Variants in RAP2B observed in about 807,000 individuals in gnomAD.
RAP2B encodes the protein ras-related protein Rap-2b.
Under a neutral mutation model 14.4 loss-of-function variants are expected in RAP2B, and 6 were observed. That is an observed-to-expected ratio of 0.42 (90% CI 0.23 to 0.82). The LOEUF is 0.82. RAP2B is among the 40% of genes least tolerant of loss of function. The probability of loss-of-function intolerance (pLI) is 0.30; values close to 1 mark genes in which losing one functional copy is unlikely to be tolerated. For synonymous variants in RAP2B, 118 were observed against 113.2 expected, an observed-to-expected ratio of 1.04 and a Z score of -0.27; for missense variants, 137 against 248.2, an observed-to-expected ratio of 0.55 and a Z score of 3.01.
In RAP2B at chr3:153,166,136, T is replaced by C. The variant is rs775576410; in HGVS notation, c.*2891T>C. The C allele has an allele frequency of 5.4e-5, 9 of 167,064 alleles. No individual in the cohort carries two copies. The highest frequency in any genetic ancestry group is 1.2e-4 in the Non-Finnish European group (8 of 68,102). 10.3% of individuals were successfully genotyped at this position (167,064 alleles called of 1,614,324 possible). ...TAGTCTAGGATGGCAGAGCAGAAGATTTTAATATGCTTTTATTAAGTGATG... is the reference window on the plus strand; with the variant it reads ...TAGTCTAGGATGGCAGAGCAGAAGACTTTAATATGCTTTTATTAAGTGATG... On this transcript the variant is annotated 3_prime_UTR_variant, in exon 1 of 1. Coordinates refer to ENST00000323534, the MANE Select transcript of RAP2B (RefSeq NM_002886.4).
In RAP2B at chr3:153,163,643, T is replaced by G. The variant is rs1713481577; in HGVS notation, c.*398T>G. On this transcript the variant is annotated 3_prime_UTR_variant, in exon 1 of 1. Coordinates refer to ENST00000323534, the MANE Select transcript of RAP2B (RefSeq NM_002886.4). ...GAGAGAAGGTGGAAATGGTTTTTTT[T>G]TTTTTTTTTCTATTTTCTTTCTTTT... The G allele has an allele frequency of 5.9e-6, 1 of 169,118 alleles. No homozygotes were observed. The highest frequency in any genetic ancestry group is 2.4e-5 in the African/African-American group (1 of 41,084). The allele number at this position is 169,118 out of a possible 1,614,324, so 10.5% of individuals were successfully genotyped here. A position where few individuals can be genotyped will look rare whatever the true frequency, so the allele number is the denominator to read the frequency against.
At position 153,165,116 on chromosome 3, in the gene RAP2B, C is replaced by T. The variant is rs568415986; in HGVS notation, c.*1871C>T. The T allele has an allele frequency of 4.2e-5, 7 of 166,984 alleles. No homozygotes were observed. Among genetic ancestry groups the T allele is most frequent in the Admixed American group, 1.3e-4 (2 of 15,296 alleles). 10.3% of individuals were successfully genotyped at this position (166,984 alleles called of 1,614,324 possible). A position where few individuals can be genotyped will look rare whatever the true frequency, so the allele number is the denominator to read the frequency against. ...CTTTTAAGTTTTTCTTCCTTTTTTC[C>T]CTCTGTTTATATTGCACATCAAGTC... On this transcript the variant is annotated 3_prime_UTR_variant, in exon 1 of 1. Coordinates refer to ENST00000323534, the MANE Select transcript of RAP2B (RefSeq NM_002886.4).
chr3:153,168,699 C>G lies in RAP2B; in HGVS notation c.*5454C>G. The G allele has an allele frequency of 6.6e-6, 1 of 152,166 alleles. No homozygotes were observed. Among genetic ancestry groups the G allele is most frequent in the East Asian group, 1.9e-4 (1 of 5,196 alleles). The allele number at this position is 152,166 out of a possible 1,614,324, so 9.4% of individuals were successfully genotyped here. On this transcript the variant is annotated 3_prime_UTR_variant, in exon 1 of 1. Coordinates refer to ENST00000323534, the MANE Select transcript of RAP2B (RefSeq NM_002886.4). ...AAGATTGTCTTTGGAGCTATGTCTT[C>G]CATTCCAACTATACAGAAATAAACT... is the stretch of plus-strand genomic sequence containing the variant.
rs1375524883 is a variant in RAP2B at position 153,163,581 on chromosome 3, G to GA, written c.*344dup. 13 of 197,838 alleles carry GA rather than the reference G, an allele frequency of 6.6e-5. No homozygotes were observed. The highest frequency in any genetic ancestry group is 1.2e-4 in the Admixed American group (2 of 16,206). The allele number at this position is 197,838 out of a possible 1,614,324, so 12.3% of individuals were successfully genotyped here. A position where few individuals can be genotyped will look rare whatever the true frequency, so the allele number is the denominator to read the frequency against. On this transcript the variant is annotated 3_prime_UTR_variant, in exon 1 of 1. Coordinates refer to ENST00000323534, the MANE Select transcript of RAP2B (RefSeq NM_002886.4). ...CCCACCAAGCAAAAGTTTCAGCCTG[G>GA]AAAAAAAATGGGGGGGAAGGGTGGA...
At position 153,162,240 on chromosome 3, in the gene RAP2B, G is replaced by T. The variant is rs1713418390; in HGVS notation, c.-454G>T. On this transcript the variant is annotated 5_prime_UTR_variant, in exon 1 of 1. Coordinates refer to ENST00000323534, the MANE Select transcript of RAP2B (RefSeq NM_002886.4). The surrounding 1 kb of genome is among the most constrained non-coding windows in gnomAD (Gnocchi z 4.9). Reference sequence around the variant, plus strand: ...AGCCCTCGCCCAGTAGAGGCTGTGGGAGAGAGCGCGATGGGCCGCGGCGGT... The same window carrying T: ...AGCCCTCGCCCAGTAGAGGCTGTGGTAGAGAGCGCGATGGGCCGCGGCGGT... 1 of 152,848 alleles carries T rather than the reference G, an allele frequency of 6.5e-6. No homozygotes were observed. Among genetic ancestry groups the T allele is most frequent in the South Asian group, 2.1e-4 (1 of 4,844 alleles). The allele number at this position is 152,848 out of a possible 1,614,324, so 9.5% of individuals were successfully genotyped here.
chr3:153,162,537 C>T lies in RAP2B; in HGVS notation c.-157C>T. On this transcript the variant is annotated 5_prime_UTR_variant, in exon 1 of 1. Coordinates refer to ENST00000323534, the MANE Select transcript of RAP2B (RefSeq NM_002886.4). This position sits in a 1 kb window ranked among gnomAD's most constrained non-coding sequence, Gnocchi z 4.9. ...GCCGGCCCGGCGCCCGGCCTCCGTT[C>T]GGTGGTTTCCGCCCTGCGTTCTCTG... 5.6e-6 allele frequency: 5 copies of T among 892,012 alleles called. No individual in the cohort carries two copies. Among genetic ancestry groups the T allele is most frequent in the Non-Finnish European group, 7.9e-6 (5 of 631,178 alleles). The allele number at this position is 892,012 out of a possible 1,614,324, so 55.3% of individuals were successfully genotyped here.
chr3:153,168,882 T>C lies in RAP2B; in HGVS notation c.*5637T>C, dbSNP rs1038222444. 6.6e-6 allele frequency: 1 copy of C among 152,230 alleles called. No homozygotes were observed. Among genetic ancestry groups the C allele is most frequent in the Non-Finnish European group, 1.5e-5 (1 of 68,034 alleles). The allele number at this position is 152,230 out of a possible 1,614,324, so 9.4% of individuals were successfully genotyped here. A position where few individuals can be genotyped will look rare whatever the true frequency, so the allele number is the denominator to read the frequency against. On this transcript the variant is annotated 3_prime_UTR_variant, in exon 1 of 1. Coordinates refer to ENST00000323534, the MANE Select transcript of RAP2B (RefSeq NM_002886.4). The stretch of plus-strand genomic sequence containing the variant: ...TTCAAAAGGCTATTGCTGGTGATAG[T>C]ACAATGAAACACTGACTTCAGTATA...
chr3:153,165,992 A>G lies in RAP2B; in HGVS notation c.*2747A>G, dbSNP rs1197224489. On this transcript the variant is annotated 3_prime_UTR_variant, in exon 1 of 1. Transcript: ENST00000323534. ...CTTTTGACATAAAATGCTGCCAAGT[A>G]TCTAAGAAATGTATATACTGACAGA... 2.4e-5 allele frequency: 4 copies of G among 167,040 alleles called. No homozygotes were observed. Among genetic ancestry groups the G allele is most frequent in the African/African-American group, 9.6e-5 (4 of 41,468 alleles). The allele number at this position is 167,040 out of a possible 1,614,324, so 10.3% of individuals were successfully genotyped here. A position where few individuals can be genotyped will look rare whatever the true frequency, so the allele number is the denominator to read the frequency against.
Position 153,166,321 on chromosome 3 carries a change from G to A in RAP2B, c.*3076G>A, listed in dbSNP as rs537509968. 2 of 166,930 alleles carry A rather than the reference G, an allele frequency of 1.2e-5. No homozygotes were observed. Among genetic ancestry groups the A allele is most frequent in the African/African-American group, 4.8e-5 (2 of 41,410 alleles). The allele number at this position is 166,930 out of a possible 1,614,324, so 10.3% of individuals were successfully genotyped here. A position where few individuals can be genotyped will look rare whatever the true frequency, so the allele number is the denominator to read the frequency against. ...TAAAAATGTTTTTAAGAATATGTTC[G>A]TTTCTTTGACTATTAAGAACCCCTT... On this transcript the variant is annotated 3_prime_UTR_variant, in exon 1 of 1. Coordinates refer to ENST00000323534, the MANE Select transcript of RAP2B (RefSeq NM_002886.4).
rs1713590692 is a variant in RAP2B, at chr3:153,166,776, A to G, written c.*3531A>G. On this transcript the variant is annotated 3_prime_UTR_variant, in exon 1 of 1. Transcript: ENST00000323534. The stretch of plus-strand genomic sequence containing the variant: ...TTTGGGGATAGAATTCTTTAAATGT[A>G]TGGGACTTCATGCTTCCTGATTATG... 6.0e-6 allele frequency: 1 copy of G among 166,564 alleles called. No homozygotes were observed. Among genetic ancestry groups the G allele is most frequent in the African/African-American group, 2.4e-5 (1 of 41,446 alleles). 10.3% of individuals were successfully genotyped at this position (166,564 alleles called of 1,614,324 possible).
chr3:153,167,353 A>G lies in RAP2B; in HGVS notation c.*4108A>G, dbSNP rs1713609870. 6.0e-6 allele frequency: 1 copy of G among 167,040 alleles called. No individual in the cohort carries two copies. Among genetic ancestry groups the G allele is most frequent in the East Asian group, 1.9e-4 (1 of 5,200 alleles). The allele number at this position is 167,040 out of a possible 1,614,324, so 10.3% of individuals were successfully genotyped here. On this transcript the variant is annotated 3_prime_UTR_variant, in exon 1 of 1. Coordinates refer to ENST00000323534, the MANE Select transcript of RAP2B (RefSeq NM_002886.4). The stretch of plus-strand genomic sequence containing the variant: ...GGTTCTCAAACTTGACCATATATCA[A>G]AATCACCTGGAGCTTAAAACATGTA...
At position 153,166,416 on chromosome 3, in the gene RAP2B, C is replaced by A. The variant is rs1473090141; in HGVS notation, c.*3171C>A. ...AAAGTTAGTGTTAAAGGAAGTGAGT[C>A]AGGGAGGGCGGAGTTTGTTGTAAGG... On this transcript the variant is annotated 3_prime_UTR_variant, in exon 1 of 1. Transcript: ENST00000323534. 6.0e-6 allele frequency: 1 copy of A among 166,970 alleles called. No individual in the cohort carries two copies. The highest frequency in any genetic ancestry group is 1.5e-5 in the Non-Finnish European group (1 of 68,082). The allele number at this position is 166,970 out of a possible 1,614,324, so 10.3% of individuals were successfully genotyped here. A position where few individuals can be genotyped will look rare whatever the true frequency, so the allele number is the denominator to read the frequency against.
chr3:153,163,775 AC>A lies in RAP2B; in HGVS notation c.*531del, dbSNP rs1399948525. Reference sequence around the variant, plus strand: ...TGAAGGAGCAGGAGGAGAGGAAGAAACTTTTTTTCCTTCTTTTCCAGGAGTA... The same window carrying A: ...TGAAGGAGCAGGAGGAGAGGAAGAAATTTTTTTCCTTCTTTTCCAGGAGTA... On this transcript the variant is annotated 3_prime_UTR_variant, in exon 1 of 1. Coordinates refer to ENST00000323534, the MANE Select transcript of RAP2B (RefSeq NM_002886.4). 2 of 165,306 alleles carry A rather than the reference AC, an allele frequency of 1.2e-5. No individual in the cohort carries two copies. The highest frequency in any genetic ancestry group is 4.9e-5 in the African/African-American group (2 of 40,822). 10.2% of individuals were successfully genotyped at this position (165,306 alleles called of 1,614,324 possible).
In RAP2B at chr3:153,169,116, GACTAA is replaced by G. The variant is rs1333472164; in HGVS notation, c.*5876_*5880del. ...TCTAATCCTGGTTAATAATCATTAG[GACTAA>G]ACTATTTACATTAAAGAAGGAAAAA... On this transcript the variant is annotated 3_prime_UTR_variant, in exon 1 of 1. Coordinates refer to ENST00000323534, the MANE Select transcript of RAP2B (RefSeq NM_002886.4). 6.6e-6 allele frequency: 1 copy of G among 152,080 alleles called. No individual in the cohort carries two copies. Among genetic ancestry groups the G allele is most frequent in the Non-Finnish European group, 1.5e-5 (1 of 68,022 alleles). 9.4% of individuals were successfully genotyped at this position (152,080 alleles called of 1,614,324 possible). A position where few individuals can be genotyped will look rare whatever the true frequency, so the allele number is the denominator to read the frequency against.
chr3:153,162,515 G>T lies in RAP2B; in HGVS notation c.-179G>T. ...GGATACGCTGCCGCCGCCGCCGGCC[G>T]GCCCGGCGCCCGGCCTCCGTTCGGT... is the stretch of plus-strand genomic sequence containing the variant. On this transcript the variant is annotated 5_prime_UTR_variant, in exon 1 of 1. Transcript: ENST00000323534. The surrounding 1 kb of genome is among the most constrained non-coding windows in gnomAD (Gnocchi z 4.9). The T allele has an allele frequency of 1.4e-6, 1 of 698,156 alleles. No individual in the cohort carries two copies. The highest frequency in any genetic ancestry group is 2.1e-6 in the Non-Finnish European group (1 of 465,570). 43.2% of individuals were successfully genotyped at this position (698,156 alleles called of 1,614,324 possible).
In RAP2B at chr3:153,162,530, C is replaced by T. The variant is rs1303054349; in HGVS notation, c.-164C>T. 4.9e-6 allele frequency: 4 copies of T among 820,004 alleles called. No homozygotes were observed. The African/African-American group carries it at 7.2e-5, about 15-fold the overall frequency. The allele number at this position is 820,004 out of a possible 1,614,324, so 50.8% of individuals were successfully genotyped here. A position where few individuals can be genotyped will look rare whatever the true frequency, so the allele number is the denominator to read the frequency against. Reference sequence around the variant, plus strand: ...GCCGCCGGCCGGCCCGGCGCCCGGCCTCCGTTCGGTGGTTTCCGCCCTGCG... The same window carrying T: ...GCCGCCGGCCGGCCCGGCGCCCGGCTTCCGTTCGGTGGTTTCCGCCCTGCG... On this transcript the variant is annotated 5_prime_UTR_variant, in exon 1 of 1. Coordinates refer to ENST00000323534, the MANE Select transcript of RAP2B (RefSeq NM_002886.4). This position sits in a 1 kb window ranked among gnomAD's most constrained non-coding sequence, Gnocchi z 4.9.
chr3:153,162,795 G>T lies in RAP2B; in HGVS notation c.102G>T (p.Pro34=). Residue 34 remains proline, a synonymous_variant, in exon 1 of 1, where the codon CCG becomes CCT. Coordinates refer to ENST00000323534, the MANE Select transcript of RAP2B (RefSeq NM_002886.4). The surrounding 1 kb of genome is among the most constrained non-coding windows in gnomAD (Gnocchi z 4.9). ...VTGSFIEKYD[P]TIEDFYRKEI... is the part of the protein sequence containing the mutation. ...GCTCCTTCATCGAGAAGTACGACCCGACCATCGAAGACTTTTACCGCAAGG... is the reference window on the plus strand; with the variant it reads ...GCTCCTTCATCGAGAAGTACGACCCTACCATCGAAGACTTTTACCGCAAGG... 1 of 1,614,116 alleles carries T rather than the reference G, an allele frequency of 6.2e-7. No homozygotes were observed. Among genetic ancestry groups the T allele is most frequent in the Non-Finnish European group, 8.5e-7 (1 of 1,180,034 alleles).
rs1399853497 is a variant in RAP2B at position 153,166,131 on chromosome 3, G to A, written c.*2886G>A. ...CTTTATAGTCTAGGATGGCAGAGCA[G>A]AAGATTTTAATATGCTTTTATTAAG... On this transcript the variant is annotated 3_prime_UTR_variant, in exon 1 of 1. Transcript: ENST00000323534. 3 of 167,068 alleles carry A rather than the reference G, an allele frequency of 1.8e-5. No individual in the cohort carries two copies. The highest frequency in any genetic ancestry group is 7.2e-5 in the African/African-American group (3 of 41,452). 10.3% of individuals were successfully genotyped at this position (167,068 alleles called of 1,614,324 possible). A position where few individuals can be genotyped will look rare whatever the true frequency, so the allele number is the denominator to read the frequency against.
Position 153,168,617 on chromosome 3 carries a change from A to G in RAP2B, c.*5372A>G, listed in dbSNP as rs887926605. ...CTGAAACTATTCTATTAGAAGGTGA[A>G]AAGTGTTGATTGAAGAATGGTAGGA... is the stretch of plus-strand genomic sequence containing the variant. On this transcript the variant is annotated 3_prime_UTR_variant, in exon 1 of 1. Transcript: ENST00000323534. The G allele has an allele frequency of 1.3e-5, 2 of 152,432 alleles. No homozygotes were observed. The highest frequency in any genetic ancestry group is 4.8e-5 in the African/African-American group (2 of 41,440). The allele number at this position is 152,432 out of a possible 1,614,324, so 9.4% of individuals were successfully genotyped here. A position where few individuals can be genotyped will look rare whatever the true frequency, so the allele number is the denominator to read the frequency against.
Sources: allele counts gnomAD v4.1 joint callset, GRCh38; gene constraint gnomAD v4.1.1; non-coding constraint Gnocchi (gnomAD v3.1); transcripts MANE v1.5; gene names NCBI Gene and HGNC (gene_info 2026-07-23, HGNC 2026-07-21).